The following FKBP4 variants were observed in gnomAD, a reference collection of about 807,000 sequenced individuals.
The protein encoded by FKBP4 is FKBP prolyl isomerase 4, also known as peptidyl-prolyl cis-trans isomerase FKBP4.
In FKBP4, 28 loss-of-function variants were observed where a neutral mutation model predicts 54.1. The observed-to-expected ratio is 0.52, with a 90% CI of 0.38 to 0.71. FKBP4 has a LOEUF of 0.71. Among genes scored for constraint, FKBP4 ranks in the 30% least tolerant of loss-of-function variants. FKBP4 has a pLI of 0.00. For missense variants in FKBP4, 493 were observed against 574.4 expected (o/e 0.86, Z 1.45); for synonymous variants, 223 against 216.1 (o/e 1.03, Z -0.28).
rs1229169328 is a variant in FKBP4 at position 2,797,194 on chromosome 12, T to C, written c.162T>C (p.Phe54=). Residue 54 remains phenylalanine (F), a synonymous_variant, in exon 2 of 10, where the codon TTT becomes TTC. Coordinates refer to ENST00000001008, the MANE Select transcript of FKBP4 (RefSeq NM_002014.4). ...TGCCCATGATTGGGGACCGAGTCTT[T>C]GTCCACTACACTGGCTGGCTATTAG... ...TEMPMIGDRV[F]VHYTGWLLDG... is the part of the protein sequence containing the mutation. The C allele has an allele frequency of 2.7e-5, 43 of 1,613,648 alleles. No homozygotes were observed. Among genetic ancestry groups the C allele is most frequent in the Non-Finnish European group, 3.4e-5 (40 of 1,179,840 alleles).
intron 1 of FKBP4, 21 bp from the exon 2 acceptor site, chr12:2,797,117 C>A (rs1272557460): frequency 1.6e-5 from 25 of 1,611,920 alleles, no homozygotes; most frequent in Non-Finnish European, 1.9e-5. Context: ...GGGGTACTCA[C>A]TTTCTCCCCC....
chr12:2,802,358 C>T (rs2097905320), intron 9 of FKBP4, among the ~76,000 whole-genome samples: 1 of 152,108 alleles, frequency 6.6e-6, no homozygotes, highest in African/African-American at 2.4e-5. Flanking sequence ...GGCTCTCGAA[C>T]TCCTGACTTT....
Position 2,804,839 on chromosome 12 carries a change from C to T in FKBP4, c.*1581C>T, listed in dbSNP as rs1283545006. ...TCCCAGTGTGAGTATCCCTTGAGCC[C>T]AAGACACCAAGGATGCAGAGAACTG... On this transcript the variant is annotated 3_prime_UTR_variant, in exon 10 of 10. Transcript: ENST00000001008. 4.6e-5 allele frequency: 8 copies of T among 174,228 alleles called. No individual in the cohort carries two copies. In the Admixed American group the frequency reaches 5.0e-4, roughly 11 times the overall value. 10.8% of individuals were successfully genotyped at this position (174,228 alleles called of 1,614,324 possible).
At position 2,796,733 on chromosome 12, in the gene FKBP4, G is replaced by A. The variant is rs576492979; in HGVS notation, c.106-405G>A. On this transcript the variant is annotated intron_variant, in intron 1 of 9. Transcript: ENST00000001008. ...TGGCATGAAGGAAGAAGGAGGAAGT[G>A]TGGCATAAATACTTCCCCCTTTGCC... is the stretch of plus-strand genomic sequence containing the variant. 9.0e-5 allele frequency: 96 copies of A among 1,066,540 alleles called. No homozygotes were observed. The African/African-American group carries it at 1.4e-3, about 15-fold the overall frequency. 66.1% of individuals were successfully genotyped at this position (1,066,540 alleles called of 1,614,324 possible).
intron 9 of FKBP4, chr12:2,801,775 T>C: frequency 2.9e-6 from 1 of 346,226 alleles, no homozygotes. Context: ...AGCGAGATGC[T>C]TTTTGTGTGT....
rs1330575862 is a variant in FKBP4 at position 2,804,140 on chromosome 12, C to T, written c.*882C>T. On this transcript the variant is annotated 3_prime_UTR_variant, in exon 10 of 10. Coordinates refer to ENST00000001008, the MANE Select transcript of FKBP4 (RefSeq NM_002014.4). ...GCTTCCTGAGCACTGCACAGGCTGCCGCTGGGATTTGTGTCTATGGCTTCG... is the reference window on the plus strand; with the variant it reads ...GCTTCCTGAGCACTGCACAGGCTGCTGCTGGGATTTGTGTCTATGGCTTCG... 2.6e-5 allele frequency: 4 copies of T among 152,468 alleles called. No individual in the cohort carries two copies. Among genetic ancestry groups the T allele is most frequent in the East Asian group, 1.9e-4 (1 of 5,188 alleles). 9.4% of individuals were successfully genotyped at this position (152,468 alleles called of 1,614,324 possible). A position where few individuals can be genotyped will look rare whatever the true frequency, so the allele number is the denominator to read the frequency against.
At chr12:2,801,917 A>AGACT (rs2153920521) in intron 9 of FKBP4, 1 of 161,786 alleles carries the variant, frequency 6.2e-6, no homozygotes, top group Admixed American at 5.9e-5. Flanking sequence ...AGGCACAGGC[A>AGACT]GACGTTCCTG....
chr12:2,805,248 G>T lies in FKBP4; in HGVS notation c.*1990G>T, dbSNP rs150053131. On this transcript the variant is annotated 3_prime_UTR_variant, in exon 10 of 10. Coordinates refer to ENST00000001008, the MANE Select transcript of FKBP4 (RefSeq NM_002014.4). ...CAGACTCTCCCATGAGGTTCCTTTGGCAAGTCCTGGGCTTCTGTCCTCATC... is the reference window on the plus strand; with the variant it reads ...CAGACTCTCCCATGAGGTTCCTTTGTCAAGTCCTGGGCTTCTGTCCTCATC... The T allele has an allele frequency of 1.4e-4, 62 of 452,908 alleles. No individual in the cohort carries two copies. Among genetic ancestry groups the T allele is most frequent in the African/African-American group, 8.6e-4 (43 of 49,986 alleles). The allele number at this position is 452,908 out of a possible 1,614,324, so 28.1% of individuals were successfully genotyped here. A position where few individuals can be genotyped will look rare whatever the true frequency, so the allele number is the denominator to read the frequency against.
At chr12:2,796,376 C>CATTT in intron 1 of FKBP4, 1 of 1,289,194 alleles carries the variant, frequency 7.8e-7, no homozygotes, top group Non-Finnish European at 1.0e-6. Flanking sequence ...CAGGAAAGCT[C>CATTT]ATTTCCCCTT....
Position 2,795,311 on chromosome 12 carries a change from C to A in FKBP4, c.105+67C>A. ...CCCCGCGGGCCGCCCTTCCGCCGCG[C>A]CCGGAGCCCGCGGCCGGGCACGGGT... On this transcript the variant is annotated intron_variant, in intron 1 of 9. Coordinates refer to ENST00000001008, the MANE Select transcript of FKBP4 (RefSeq NM_002014.4). This position sits in a 1 kb window ranked among gnomAD's most constrained non-coding sequence, Gnocchi z 4.3. 1 of 869,984 alleles carries A rather than the reference C, an allele frequency of 1.1e-6. No homozygotes were observed. Among genetic ancestry groups the A allele is most frequent in the East Asian group, 5.5e-5 (1 of 18,314 alleles). 53.9% of individuals were successfully genotyped at this position (869,984 alleles called of 1,614,324 possible).
rs564931982 is a variant in FKBP4, at chr12:2,803,831, C to T, written c.*573C>T. ...TCTGGTATTTCCCCTGTCAGTTTCC[C>T]CTCTCGGCCAGGTTGTGTCCCAAAA... On this transcript the variant is annotated 3_prime_UTR_variant, in exon 10 of 10. Coordinates refer to ENST00000001008, the MANE Select transcript of FKBP4 (RefSeq NM_002014.4). 2.0e-5 allele frequency: 3 copies of T among 153,326 alleles called. No homozygotes were observed. The highest frequency in any genetic ancestry group is 2.1e-4 in the South Asian group (1 of 4,846). The allele number at this position is 153,326 out of a possible 1,614,324, so 9.5% of individuals were successfully genotyped here. A position where few individuals can be genotyped will look rare whatever the true frequency, so the allele number is the denominator to read the frequency against.
At chr12:2,797,014 A>G (rs956918646) in intron 1 of FKBP4, 124 bp from the exon 2 acceptor site, 1 of 1,459,794 alleles carries the variant, frequency 6.9e-7, no homozygotes, top group Non-Finnish European at 9.0e-7. Flanking sequence ...TGGAGGGACA[A>G]GTAGGCAGAG....
At chr12:2,796,363 T>G in intron 1 of FKBP4, 2 of 1,289,272 alleles carry the variant, frequency 1.6e-6, no homozygotes, top group Non-Finnish European at 2.0e-6. Context: ...GAGATTGTTA[T>G]TCCAGGAAAG....
intron 5 of FKBP4, 113 bp from the exon 6 acceptor site, chr12:2,799,737 A>C: frequency 2.3e-6 from 2 of 886,214 alleles, no homozygotes; most frequent in East Asian, 5.2e-5. Context: ...AAACATTTGA[A>C]CCAAGTCTCA....
rs371138035 is a variant in FKBP4 at position 2,799,201 on chromosome 12, C to T, written c.628C>T (p.Arg210Cys). The change falls in exon 5 of 10, where the codon CGC becomes TGC. Residue 210 changes from arginine (R) to cysteine (C), a missense_variant. Arg to Cys is a radical substitution (Grantham distance 180). Coordinates refer to ENST00000001008, the MANE Select transcript of FKBP4 (RefSeq NM_002014.4). ...TTATGGTCTGGAGAGGGCCATTCAG[C>T]GCATGGAGAAAGGAGAACATTCCAT... ...LPYGLERAIQ[R>C]MEKGEHSIVY... 18 of 1,572,240 alleles carry T rather than the reference C, an allele frequency of 1.1e-5. No homozygotes were observed. In the African/African-American group the frequency reaches 1.8e-4, roughly 15 times the overall value.
intron 9 of FKBP4, among the ~76,000 whole-genome samples, chr12:2,802,933 G>T (rs944290275): frequency 1.3e-5 from 2 of 152,112 alleles, no homozygotes; most frequent in Admixed American, 1.3e-4. Flanking sequence ...TCACCATGTT[G>T]CCCAGGCTGA....
Position 2,795,167 on chromosome 12 carries a change from G to A in FKBP4, c.28G>A (p.Glu10Lys), listed in dbSNP as rs1384211057. ...GACAGCCGAGGAGATGAAGGCGACC[G>A]AGAGCGGGGCGCAGTCGGCGCCGCT... is the stretch of plus-strand genomic sequence containing the variant. Reference protein sequence around the residue: MTAEEMKATESGAQSAPLPM... With the variant: MTAEEMKATKSGAQSAPLPM... The change falls in exon 1 of 10, where the codon GAG becomes AAG. Residue 10 changes from glutamate (E) to lysine (K), a missense_variant. Coordinates refer to ENST00000001008, the MANE Select transcript of FKBP4 (RefSeq NM_002014.4). This position sits in a 1 kb window ranked among gnomAD's most constrained non-coding sequence, Gnocchi z 4.3. The A allele has an allele frequency of 1.5e-6, 2 of 1,315,366 alleles. No homozygotes were observed. The highest frequency in any genetic ancestry group is 9.8e-7 in the Non-Finnish European group (1 of 1,023,708). The allele number at this position is 1,315,366 out of a possible 1,614,324, so 81.5% of individuals were successfully genotyped here. A position where few individuals can be genotyped will look rare whatever the true frequency, so the allele number is the denominator to read the frequency against.
rs2097900995 is a variant in FKBP4 at position 2,795,255 on chromosome 12, G to C, written c.105+11G>C. 6.2e-6 allele frequency: 8 copies of C among 1,296,062 alleles called. No individual in the cohort carries two copies. Among genetic ancestry groups the C allele is most frequent in the Non-Finnish European group, 7.9e-6 (8 of 1,011,118 alleles). The allele number at this position is 1,296,062 out of a possible 1,614,324, so 80.3% of individuals were successfully genotyped here. A position where few individuals can be genotyped will look rare whatever the true frequency, so the allele number is the denominator to read the frequency against. ...GAAGGCGTGCTGAAGGTGAGGGGCG[G>C]CGGGGCCTGCGGAGGCGTCGGAACC... On this transcript the variant is annotated intron_variant, in intron 1 of 9. Coordinates refer to ENST00000001008, the MANE Select transcript of FKBP4 (RefSeq NM_002014.4). The surrounding 1 kb of genome is among the most constrained non-coding windows in gnomAD (Gnocchi z 4.3).
In FKBP4 at chr12:2,805,117, C is replaced by T. The variant is rs1160768394; in HGVS notation, c.*1859C>T. 2.2e-6 allele frequency: 1 copy of T among 454,344 alleles called. No individual in the cohort carries two copies. The highest frequency in any genetic ancestry group is 4.4e-6 in the Non-Finnish European group (1 of 226,064). 28.1% of individuals were successfully genotyped at this position (454,344 alleles called of 1,614,324 possible). On this transcript the variant is annotated 3_prime_UTR_variant, in exon 10 of 10. Transcript: ENST00000001008. ...CAGCATCACATGAGTGAAACTGAAT[C>T]CTTGCAACCATCCTACAAAGAAGGT... is the stretch of plus-strand genomic sequence containing the variant.
Sources: gnomAD v4.1 joint callset for allele counts (sites outside exome capture counted in the v4.1 genomes callset) on GRCh38, gnomAD v4.1.1 for gene constraint, Gnocchi (gnomAD v3.1) non-coding constraint, MANE v1.5 for transcripts, NCBI Gene and HGNC (gene_info 2026-07-23, HGNC 2026-07-21) for gene names.